ZNF675: variants seen among roughly 807,000 people sequenced by gnomAD.
The protein encoded by ZNF675 is zinc finger protein 675, also known as TRAF6 inhibitory zinc finger.
Under a neutral mutation model 56.1 loss-of-function variants are expected in ZNF675, and 36 were observed. The observed-to-expected ratio is 0.64, with a 90% confidence interval of 0.49 to 0.85. The LOEUF (loss-of-function observed/expected upper bound fraction) is 0.85, where lower values mean the gene tolerates loss of function less well. ZNF675 is among the 40% of genes least tolerant of loss of function. The probability of loss-of-function intolerance (pLI) is 0.00; values close to 1 mark genes in which losing one functional copy is unlikely to be tolerated. For missense variants in ZNF675, 663 were observed against 654.2 expected (o/e 1.01, Z -0.15); for synonymous variants, 200 against 218.9 (o/e 0.91, Z 0.76).
chr19:23,660,509 C>T (rs1968061885), intron 3 of ZNF675, among the ~76,000 whole-genome samples: 1 of 152,094 alleles, frequency 6.6e-6, no homozygotes, highest in Non-Finnish European at 1.5e-5. Context: ...TAAATACACT[C>T]AGTAAATCAG....
intron 1 of ZNF675, among the ~76,000 whole-genome samples, chr19:23,667,367 C>A (rs1203376612): frequency 1.3e-5 from 2 of 152,118 alleles, no homozygotes; most frequent in East Asian, 3.9e-4. Context: ...GGGACCCCAG[C>A]GGGTTGCCAC....
At chr19:23,683,557 G>A (rs1968404568) in intron 1 of ZNF675, among the ~76,000 whole-genome samples, 1 of 152,094 alleles carries the variant, frequency 6.6e-6, no homozygotes, top group African/African-American at 2.4e-5. Context: ...AAGTAGCTGG[G>A]ACTACAGGCA....
At chr19:23,658,535 T>C (rs4254446) in intron 3 of ZNF675, 147,692 of 152,020 alleles carry the variant, frequency 0.97, 71,902 homozygotes, top group Middle Eastern at 1. Flanking sequence ...CAAAAATTAG[T>C]CAGGCATGGT....
chr19:23,673,556 G>A (rs1968252616), intron 1 of ZNF675, among the ~76,000 whole-genome samples: 2 of 152,198 alleles, frequency 1.3e-5, no homozygotes, highest in Non-Finnish European at 2.9e-5. Flanking sequence ...GGGAGTGACT[G>A]GAAGCCTGAG....
intron 1 of ZNF675, among the ~76,000 whole-genome samples, chr19:23,683,146 T>A (rs543648860): frequency 2.2e-5 from 3 of 134,240 alleles, no homozygotes; most frequent in Non-Finnish European, 4.5e-5. Flanking sequence ...GCTGAGATCA[T>A]GGCACTGCAC....
Position 23,653,410 on chromosome 19 carries a change from T to C in ZNF675, c.1523A>G (p.Tyr508Cys), listed in dbSNP as rs1361983253. Residue 508 changes from tyrosine (Y) to cysteine (C), a missense_variant, in exon 4 of 4, where the codon TAC (tyrosine) becomes TGC (cysteine). Physicochemically the swap from Tyr to Cys is radical, Grantham distance 194. This residue lies in a region of ZNF675 where 617 missense variants were observed against 590.5 expected (regional missense o/e 1.04). Coordinates refer to ENST00000359788, the MANE Select transcript of ZNF675 (RefSeq NM_138330.3). Reference sequence around the variant, plus strand: ...AGCTTTGCCACATTCTTCACATTTGTAGGGTTTCTCCCCAGTATGAATTCT... The same window carrying C: ...AGCTTTGCCACATTCTTCACATTTGCAGGGTTTCTCCCCAGTATGAATTCT... ...HKRIHTGEKP[Y>C]KCEECGKAFS... is the part of the protein sequence containing the mutation. 3 of 1,613,052 alleles carry C rather than the reference T, an allele frequency of 1.9e-6. No homozygotes were observed. The highest frequency in any genetic ancestry group is 2.2e-5 in the East Asian group (1 of 44,856).
intron 1 of ZNF675, among the ~76,000 whole-genome samples, chr19:23,686,718 T>A (rs1237491533): frequency 6.6e-6 from 1 of 152,166 alleles, no homozygotes; most frequent in Non-Finnish European, 1.5e-5. Flanking sequence ...GAGTCAGGAT[T>A]CTCCGGTGAC....
In ZNF675 at chr19:23,654,187, T is replaced by G. The variant is rs750602487; in HGVS notation, c.746A>C (p.Asp249Ala). ...QFSNLTEYKKDYAREKPYKCE... is the reference protein window; with the variant it reads ...QFSNLTEYKKAYAREKPYKCE... ...TTTGTATGGTTTCTCTCGAGCATAATCTTTTTTATATTCAGTAAGGTTTGA... is the reference window on the plus strand; with the variant it reads ...TTTGTATGGTTTCTCTCGAGCATAAGCTTTTTTATATTCAGTAAGGTTTGA... Residue 249 changes from aspartate (D) to alanine (A), a missense_variant, in exon 4 of 4, where the codon GAT (aspartate) becomes GCT (alanine). Asp to Ala is a moderately radical substitution (Grantham distance 126). Transcript: ENST00000359788. The G allele has an allele frequency of 6.2e-7, 1 of 1,614,056 alleles. No individual in the cohort carries two copies. The highest frequency in any genetic ancestry group is 8.5e-7 in the Non-Finnish European group (1 of 1,179,986).
chr19:23,655,607 T>A (rs1204437687), intron 3 of ZNF675: 1 of 152,018 alleles, frequency 6.6e-6, no homozygotes, highest in Non-Finnish European at 1.5e-5. Flanking sequence ...CACCTCCCAC[T>A]AGGTCCCATA....
intron 1 of ZNF675, among the ~76,000 whole-genome samples, chr19:23,673,284 G>C (rs533585486): frequency 6.6e-6 from 1 of 152,246 alleles, no homozygotes; most frequent in East Asian, 1.9e-4. Flanking sequence ...GTGGAAAGTG[G>C]AGATTCTCAT....
intron 1 of ZNF675, among the ~76,000 whole-genome samples, chr19:23,677,703 T>C (rs1217947695): frequency 2.7e-4 from 4 of 14,928 alleles, no homozygotes; most frequent in Admixed American, 2.1e-3. Context: ...TGAGACTCCG[T>C]CTCAAAAAAA....
rs576836725 is a variant in ZNF675 at position 23,667,953 on chromosome 19, G to T, written c.4-4795C>A. The stretch of plus-strand genomic sequence containing the variant: ...TACAATCCCTGAGCTAGACATAAAG[G>T]TTCTCCAAGGCCCCACCAGAGCAGC... On this transcript the variant is annotated intron_variant, in intron 1 of 3. Transcript: ENST00000359788. Among the ~76,000 whole-genome samples the T allele has an allele frequency of 2.0e-5, 3 of 149,240 alleles. No homozygotes were observed. The South Asian group carries it at 6.4e-4, about 32-fold the overall frequency.
At position 23,687,184 on chromosome 19, in the gene ZNF675, G is replaced by T; in HGVS notation, c.-151C>A. The stretch of plus-strand genomic sequence containing the variant: ...TCCGGCTGCAGCGAGAGACAAAGGC[G>T]CCGCCAAATCCCGGAAGCCATCTTG... On this transcript the variant is annotated 5_prime_UTR_variant, in exon 1 of 4. Transcript: ENST00000359788. The T allele has an allele frequency of 2.1e-6, 2 of 937,966 alleles. No homozygotes were observed. Among genetic ancestry groups the T allele is most frequent in the Non-Finnish European group, 1.7e-6 (1 of 600,590 alleles). 58.1% of individuals were successfully genotyped at this position (937,966 alleles called of 1,614,324 possible).
intron 1 of ZNF675, among the ~76,000 whole-genome samples, chr19:23,666,015 GTC>G (rs1968146244): frequency 6.6e-6 from 1 of 152,174 alleles, no homozygotes; most frequent in Admixed American, 6.6e-5. Context: ...ATCTAAATAA[GTC>G]TGCATGTGGA....
chr19:23,655,444 G>A (rs1967970446), intron 3 of ZNF675: 1 of 151,802 alleles, frequency 6.6e-6, no homozygotes, highest in South Asian at 2.1e-4. Context: ...CACATCACAT[G>A]GTAAGATACA....
chr19:23,685,625 T>C (rs1968433697), intron 1 of ZNF675, among the ~76,000 whole-genome samples: 1 of 152,234 alleles, frequency 6.6e-6, no homozygotes, highest in Non-Finnish European at 1.5e-5. Flanking sequence ...GGAATTGTTC[T>C]TCTTTTTCTT....
At chr19:23,664,744 A>C (rs1323295994) in intron 1 of ZNF675, among the ~76,000 whole-genome samples, 4 of 152,054 alleles carry the variant, frequency 2.6e-5, no homozygotes, top group Admixed American at 6.6e-5. Flanking sequence ...CGAGGCCAGG[A>C]ATTTGAGAAC....
intron 1 of ZNF675, among the ~76,000 whole-genome samples, chr19:23,672,789 A>G (rs966336009): frequency 5.3e-5 from 8 of 152,216 alleles, no homozygotes; most frequent in Admixed American, 6.5e-5. Context: ...GGATTATAAC[A>G]TGAAAGCAAA....
chr19:23,686,869 C>T (rs1420431085), intron 1 of ZNF675, among the ~76,000 whole-genome samples, 162 bp downstream of exon 1: 1 of 152,148 alleles, frequency 6.6e-6, no homozygotes, highest in Non-Finnish European at 1.5e-5. Context: ...CAGCGCGCCG[C>T]CATCTTATGG....
Sources: allele counts gnomAD v4.1 joint callset (sites outside exome capture counted in the v4.1 genomes callset), GRCh38; gene constraint gnomAD v4.1.1; regional missense constraint gnomAD v4.1.1; transcripts MANE v1.5; gene names NCBI Gene and HGNC (gene_info 2026-07-23, HGNC 2026-07-21).